The following SLC44A5 variants were observed in gnomAD, a reference collection of about 807,000 sequenced individuals.
SLC44A5 encodes solute carrier family 44 member 5.
A neutral mutation model predicts 101.8 loss-of-function variants in SLC44A5; 57 were observed. The ratio of observed to expected loss-of-function variants is 0.56; its 90% CI spans 0.45 to 0.70. The LOEUF is 0.70. Ranked by LOEUF, SLC44A5 falls within the 30% of genes least tolerant of loss-of-function variation. The probability of loss-of-function intolerance (pLI) is 0.00; values close to 1 mark genes in which losing one functional copy is unlikely to be tolerated. For missense variants in SLC44A5, 737 were observed against 853.1 expected (o/e 0.86, Z 1.70); for synonymous variants, 281 against 290.9 (o/e 0.97, Z 0.35).
the SLC44A5 span, chr1:75,723,884 G>T: frequency 6.6e-6 from 1 of 152,180 alleles, no homozygotes. Context: ...GAATTTATGG[G>T]TGACCTTTAT....
At chr1:75,409,256 ATAGCCTATTGTTTAG>A (rs1484127068) in intron 2 of SLC44A5, among the ~76,000 whole-genome samples, 2 of 152,186 alleles carry the variant, frequency 1.3e-5, no homozygotes, top group Non-Finnish European at 1.5e-5. Flanking sequence ...TCCTTCTCAC[ATAGCCTATTGTTTAG>A]TACCCTGAAT....
chr1:75,424,123 G>T (rs1664168252), intron 2 of SLC44A5, among the ~76,000 whole-genome samples: 4 of 152,148 alleles, frequency 2.6e-5, no homozygotes, highest in Admixed American at 2.6e-4. Flanking sequence ...TTTGTGCTCA[G>T]CCTGCAGAGG....
chr1:75,650,550 T>C, the SLC44A5 span, among the ~76,000 whole-genome samples: 1 of 152,314 alleles, frequency 6.6e-6, no homozygotes, highest in Admixed American at 6.5e-5. Flanking sequence ...ACAGGGTCCA[T>C]GATAAAAAAT....
chr1:75,269,731 G>T (rs1373968165), intron 6 of SLC44A5, among the ~76,000 whole-genome samples: 1 of 151,862 alleles, frequency 6.6e-6, no homozygotes, highest in Non-Finnish European at 1.5e-5. Context: ...ATTTCTTTCT[G>T]TCTGGTTTTA....
chr1:75,435,014 A>G (rs1321939276), intron 2 of SLC44A5, among the ~76,000 whole-genome samples: 1 of 152,124 alleles, frequency 6.6e-6, no homozygotes, highest in Non-Finnish European at 1.5e-5. Flanking sequence ...AGGACATCTT[A>G]AATCCCCCAC....
At chr1:75,206,438 A>G in intron 23 of SLC44A5, 1 of 546,200 alleles carries the variant, frequency 1.8e-6, no homozygotes, top group Non-Finnish European at 3.2e-6. Context: ...TATAAAGTAG[A>G]CAGCAGCTAA....
chr1:75,700,838 A>C, the SLC44A5 span, among the ~76,000 whole-genome samples: 1 of 152,268 alleles, frequency 6.6e-6, no homozygotes, highest in Non-Finnish European at 1.5e-5. Flanking sequence ...TCCACCAATC[A>C]CACAGAAATA....
chr1:75,529,684 G>A (rs1160750502), intron 2 of SLC44A5, among the ~76,000 whole-genome samples: 1 of 152,134 alleles, frequency 6.6e-6, no homozygotes, highest in Non-Finnish European at 1.5e-5. Flanking sequence ...GAATGACTAA[G>A]CAGCTTATAA....
At chr1:75,217,637 T>C (rs1646989004) in intron 18 of SLC44A5, among the ~76,000 whole-genome samples, 1 of 152,058 alleles carries the variant, frequency 6.6e-6, no homozygotes, top group Non-Finnish European at 1.5e-5. Flanking sequence ...TTCCACAGCT[T>C]AACAAATAGG....
the SLC44A5 span, among the ~76,000 whole-genome samples, chr1:75,633,058 A>G: frequency 0.25 from 37,871 of 152,118 alleles, 5,125 homozygotes; most frequent in Middle Eastern, 0.37. Context: ...TGATCTATTC[A>G]TCTTTAAATC....
chr1:75,452,232 T>TGAGG (rs1665947572), intron 2 of SLC44A5, among the ~76,000 whole-genome samples: 1 of 152,120 alleles, frequency 6.6e-6, no homozygotes, highest in South Asian at 2.1e-4. Flanking sequence ...CAGGAGAGAT[T>TGAGG]GAGGGCCTAT....
intron 2 of SLC44A5, among the ~76,000 whole-genome samples, chr1:75,419,243 C>A (rs187320263): frequency 1.3e-4 from 20 of 151,864 alleles, no homozygotes; most frequent in Admixed American, 1.3e-3. Context: ...ATGATAAACA[C>A]ACAAAGCCAA....
the SLC44A5 span, among the ~76,000 whole-genome samples, chr1:75,704,550 A>G: frequency 2.0e-5 from 3 of 152,116 alleles, no homozygotes; most frequent in Non-Finnish European, 4.4e-5. Context: ...ATCTGCACCT[A>G]TTTCATTACA....
intron 2 of SLC44A5, among the ~76,000 whole-genome samples, chr1:75,474,606 T>C (rs1667284899): frequency 6.6e-6 from 1 of 152,350 alleles, no homozygotes. Context: ...TTTTGTTTTG[T>C]TATTGCCAAT....
intron 2 of SLC44A5, among the ~76,000 whole-genome samples, chr1:75,478,007 G>T (rs1667545053): frequency 6.6e-6 from 1 of 152,098 alleles, no homozygotes; most frequent in Non-Finnish European, 1.5e-5. Context: ...AGAGAGAAAG[G>T]TCGGGTTACC....
At chr1:75,355,433 C>T (rs1052170986) in intron 3 of SLC44A5, among the ~76,000 whole-genome samples, 1 of 152,106 alleles carries the variant, frequency 6.6e-6, no homozygotes, top group African/African-American at 2.4e-5. Context: ...CCATACACTA[C>T]CTATATCACA....
At chr1:75,222,244 C>T (rs1647100851) in intron 14 of SLC44A5, 117 bp downstream of exon 14, 1 of 752,936 alleles carries the variant, frequency 1.3e-6, no homozygotes, top group South Asian at 1.7e-5. Context: ...GTGTGAACCA[C>T]CGCGCCCAGC....
At chr1:75,328,916 G>A (rs1656812182) in intron 4 of SLC44A5, among the ~76,000 whole-genome samples, 1 of 152,176 alleles carries the variant, frequency 6.6e-6, no homozygotes, top group Non-Finnish European at 1.5e-5. Context: ...AGTGAGGAGT[G>A]TGGTATGCAG....
intron 23 of SLC44A5, chr1:75,204,968 T>C (rs996654240): frequency 1.3e-5 from 2 of 152,222 alleles, no homozygotes; most frequent in African/African-American, 4.8e-5. Context: ...GCCTTTGTCT[T>C]GTTGAATAAT....
Sources: gnomAD v4.1 joint callset for allele counts (sites outside exome capture counted in the v4.1 genomes callset) on GRCh38, gnomAD v4.1.1 for gene constraint, MANE v1.5 for transcripts, NCBI Gene and HGNC (gene_info 2026-07-23, HGNC 2026-07-21) for gene names.